RRM2B: variants seen among roughly 807,000 people sequenced by gnomAD.
RRM2B encodes the protein ribonucleoside-diphosphate reductase subunit M2 B.
Under a neutral mutation model 45.9 loss-of-function variants are expected in RRM2B, and 20 were observed. The ratio of observed to expected loss-of-function variants is 0.44; its 90% CI spans 0.31 to 0.63. RRM2B has a LOEUF of 0.63. Among genes scored for constraint, RRM2B ranks in the 30% least tolerant of loss-of-function variants. The pLI is 0.09. For missense variants in RRM2B, 320 were observed against 414.7 expected, an observed-to-expected ratio of 0.77 and a Z score of 1.98; for synonymous variants, 124 against 132.3, an observed-to-expected ratio of 0.94 and a Z score of 0.43.
chr8:102,226,155 A>C (rs1810928072), intron 2 of RRM2B, 121 bp from the exon 3 acceptor site: 1 of 703,808 alleles, frequency 1.4e-6, no homozygotes, highest in East Asian at 2.6e-5. Flanking sequence ...TGGAAAAAGA[A>C]AGATGTTAGC....
At chr8:102,237,819 C>A (rs1429084352) in intron 1 of RRM2B, among the ~76,000 whole-genome samples, 1 of 152,150 alleles carries the variant, frequency 6.6e-6, no homozygotes, top group East Asian at 1.9e-4. Context: ...TTACTAAATG[C>A]TTACAAAAAT....
At chr8:102,228,733 C>T (rs1810976607) in intron 2 of RRM2B, among the ~76,000 whole-genome samples, 1 of 152,242 alleles carries the variant, frequency 6.6e-6, no homozygotes, top group Non-Finnish European at 1.5e-5. Flanking sequence ...CTCCCTCCCT[C>T]AAGGGGCTGA....
In RRM2B at chr8:102,226,003, T is replaced by C. The variant is rs763689052; in HGVS notation, c.236A>G (p.Asn79Ser). 1 of 1,612,210 alleles carries C rather than the reference T, an allele frequency of 6.2e-7. No individual in the cohort carries two copies. Among genetic ancestry groups the C allele is most frequent in the Non-Finnish European group, 8.5e-7 (1 of 1,178,434 alleles). ...VDLSKDLPHW[N>S]KLKADEKYFI... is the part of the protein sequence containing the mutation. The stretch of plus-strand genomic sequence containing the variant: ...GTACTTCTCATCTGCTTTAAGCTTG[T>C]TCCAGTGAGGGAGATCCTTTGATAA... Residue 79 changes from asparagine (N) to serine (S), a missense_variant, in exon 3 of 9, where the codon AAC becomes AGC. This residue lies in a region of RRM2B where 225 missense variants were observed against 289.4 expected (regional missense o/e 0.78). Transcript: ENST00000251810.
At position 102,217,709 on chromosome 8, in the gene RRM2B, C is replaced by A. The variant is rs1810754698; in HGVS notation, c.684+1105G>T. ...GAAGTACAATACATGCTATGGACTC[C>A]AAGACATGGACAGGTTCAGGTTTCA... On this transcript the variant is annotated intron_variant, in intron 6 of 8. Transcript: ENST00000251810. Among the ~76,000 whole-genome samples the A allele has an allele frequency of 4.6e-5, 7 of 151,832 alleles. No individual in the cohort carries two copies. In the South Asian group the frequency reaches 1.5e-3, roughly 31 times the overall value.
At position 102,217,691 on chromosome 8, in the gene RRM2B, A is replaced by C. The variant is rs145537651; in HGVS notation, c.684+1123T>G. Among the ~76,000 whole-genome samples, 175 of 152,312 alleles carry C rather than the reference A, an allele frequency of 1.1e-3. 1 individual carries two copies. Among genetic ancestry groups the C allele is most frequent in the African/African-American group, 4.1e-3 (170 of 41,564 alleles). On this transcript the variant is annotated intron_variant, in intron 6 of 8. Coordinates refer to ENST00000251810, the MANE Select transcript of RRM2B (RefSeq NM_015713.5). The stretch of plus-strand genomic sequence containing the variant: ...AGCAGAAGAGAGAAAGAAGAAGTAC[A>C]ATACATGCTATGGACTCCAAGACAT...
intron 6 of RRM2B, among the ~76,000 whole-genome samples, chr8:102,216,400 T>C (rs1410624030): frequency 2.6e-5 from 4 of 152,178 alleles, no homozygotes; most frequent in Non-Finnish European, 5.9e-5. Flanking sequence ...TTTAAGGTTT[T>C]GTATGTTAAA....
In RRM2B at chr8:102,212,818, C is replaced by T. The variant is rs1810657888; in HGVS notation, c.861G>A (p.Glu287=). 6.2e-7 allele frequency: 1 copy of T among 1,611,146 alleles called. No homozygotes were observed. The highest frequency in any genetic ancestry group is 1.3e-5 in the African/African-American group (1 of 74,850). Residue 287 remains glutamate, a synonymous_variant, in exon 8 of 9, where the codon GAG becomes GAA. Coordinates refer to ENST00000251810, the MANE Select transcript of RRM2B (RefSeq NM_015713.5). ...CCACAAGTAATCTGTCAGCTACAAA[C>T]TCAATGTACTGTTTCATCAAAATGC... ...MNCILMKQYI[E]FVADRLLVEL... is the part of the protein sequence containing the mutation.
chr8:102,233,441 T>C (rs182345860), intron 1 of RRM2B, among the ~76,000 whole-genome samples: 251 of 152,316 alleles, frequency 1.6e-3, no homozygotes, highest in Non-Finnish European at 2.8e-3. Flanking sequence ...CCAATTTTTA[T>C]TTGTTGTGAT....
rs1336197526 is a variant in RRM2B, at chr8:102,212,635, T to C, written c.903+141A>G. The C allele has an allele frequency of 1.0e-5, 6 of 579,252 alleles. No homozygotes were observed. The East Asian group carries it at 1.2e-4, about 11-fold the overall frequency. 35.9% of individuals were successfully genotyped at this position (579,252 alleles called of 1,614,324 possible). ...AATTTCAAAGGATTTTGCAAAACCT[T>C]GTTCATACAAAACAAGTCTCTGTCA... On this transcript the variant is annotated intron_variant, in intron 8 of 8. Transcript: ENST00000251810.
chr8:102,225,932 C>T lies in RRM2B; in HGVS notation c.307G>A (p.Val103Ile), dbSNP rs774382768. 1.3e-5 allele frequency: 21 copies of T among 1,597,322 alleles called. No homozygotes were observed. The highest frequency in any genetic ancestry group is 8.8e-5 in the South Asian group (8 of 90,744). The change falls in exon 3 of 9, where the codon GTA becomes ATA. Residue 103 changes from valine to isoleucine, a missense_variant. Val to Ile is a conservative substitution (Grantham distance 29, BLOSUM62 3). This residue lies in a region of RRM2B where 225 missense variants were observed against 289.4 expected (regional missense o/e 0.78). Transcript: ENST00000251810. ...LAFFAASDGIVNENLVERFSQ... is the reference protein window; with the variant it reads ...LAFFAASDGIINENLVERFSQ... ...AAAAATCTTACCAAATTTTCATTTA[C>T]AATTCCATCACTGGCTGCAAAAAAG...
At chr8:102,223,274 C>CT (rs1810866193) in intron 5 of RRM2B, among the ~76,000 whole-genome samples, 2 of 152,170 alleles carry the variant, frequency 1.3e-5, no homozygotes, top group Admixed American at 1.3e-4. Flanking sequence ...TTGCATTTAG[C>CT]TTACCTATGA....
At chr8:102,235,405 A>C (rs1262771716) in intron 1 of RRM2B, among the ~76,000 whole-genome samples, 2 of 152,212 alleles carry the variant, frequency 1.3e-5, no homozygotes, top group African/African-American at 4.8e-5. Flanking sequence ...CTGGAGAATA[A>C]ATAAATAAAT....
Position 102,205,707 on chromosome 8 carries a change from AT to A in RRM2B, c.*2425del, listed in dbSNP as rs1210722886. 4 of 152,120 alleles carry A rather than the reference AT, an allele frequency of 2.6e-5. No homozygotes were observed. Among genetic ancestry groups the A allele is most frequent in the Non-Finnish European group, 4.4e-5 (3 of 67,958 alleles). 9.4% of individuals were successfully genotyped at this position (152,120 alleles called of 1,614,324 possible). ...GAAAACAGTTGTAAACACACTCTTA[AT>A]TTTTTTCTTTATCTGCAAGATAATA... On this transcript the variant is annotated 3_prime_UTR_variant, in exon 9 of 9. Coordinates refer to ENST00000251810, the MANE Select transcript of RRM2B (RefSeq NM_015713.5).
At chr8:102,235,241 AT>A (rs1811099430) in intron 1 of RRM2B, among the ~76,000 whole-genome samples, 1 of 152,196 alleles carries the variant, frequency 6.6e-6, no homozygotes, top group Non-Finnish European at 1.5e-5. Context: ...ACAAAAATTG[AT>A]TTAAGTGATA....
Position 102,229,340 on chromosome 8 carries a change from T to C in RRM2B, c.204+2809A>G, listed in dbSNP as rs1455837192. Among the ~76,000 whole-genome samples, 4 of 152,276 alleles carry C rather than the reference T, an allele frequency of 2.6e-5. No individual in the cohort carries two copies. In the South Asian group the frequency reaches 6.2e-4, roughly 24 times the overall value. On this transcript the variant is annotated intron_variant, in intron 2 of 8. Coordinates refer to ENST00000251810, the MANE Select transcript of RRM2B (RefSeq NM_015713.5). ...TTGACCTTTCCAAAAAGGACTAATG[T>C]CCCAATCTTTTAATCACATGCTATT...
rs73698394 is a variant in RRM2B at position 102,206,146 on chromosome 8, T to C, written c.*1987A>G. On this transcript the variant is annotated 3_prime_UTR_variant, in exon 9 of 9. Coordinates refer to ENST00000251810, the MANE Select transcript of RRM2B (RefSeq NM_015713.5). ...CTCTCTATATTTTGATACTTTAATA[T>C]ATATATTTAAAGTATATTCAATTAA... The C allele has an allele frequency of 2.2e-4, 33 of 152,160 alleles. No homozygotes were observed. Among genetic ancestry groups the C allele is most frequent in the African/African-American group, 7.9e-4 (33 of 41,544 alleles). 9.4% of individuals were successfully genotyped at this position (152,160 alleles called of 1,614,324 possible).
At chr8:102,233,856 G>A (rs1428696806) in intron 1 of RRM2B, among the ~76,000 whole-genome samples, 1 of 152,112 alleles carries the variant, frequency 6.6e-6, no homozygotes, top group African/African-American at 2.4e-5. Context: ...CCGTCACCCA[G>A]GCTAGAGTGC....
intron 2 of RRM2B, among the ~76,000 whole-genome samples, chr8:102,228,820 A>T (rs1174763279): frequency 1.3e-5 from 2 of 152,248 alleles, no homozygotes; most frequent in African/African-American, 4.8e-5. Context: ...TGCGCATTCC[A>T]GTTCCCACCC....
At chr8:102,234,177 C>T (rs1244687873) in intron 1 of RRM2B, among the ~76,000 whole-genome samples, 1 of 152,180 alleles carries the variant, frequency 6.6e-6, no homozygotes, top group Non-Finnish European at 1.5e-5. Context: ...ACCAAATGCC[C>T]TGACGATGAA....
Sources: allele counts gnomAD v4.1 joint callset (sites outside exome capture counted in the v4.1 genomes callset), GRCh38; gene constraint gnomAD v4.1.1; regional missense constraint gnomAD v4.1.1; transcripts MANE v1.5; gene names NCBI Gene and HGNC (gene_info 2026-07-23, HGNC 2026-07-21).